Variants in SH3RF3 observed in about 807,000 individuals in gnomAD.
The protein encoded by SH3RF3 is E3 ubiquitin-protein ligase SH3RF3.
Under a neutral mutation model 66.3 loss-of-function variants are expected in SH3RF3, and 29 were observed. That is an observed-to-expected ratio of 0.44 (90% CI 0.33 to 0.60). SH3RF3 has a LOEUF of 0.60. Among genes scored for constraint, SH3RF3 ranks in the 20% least tolerant of loss-of-function variants. SH3RF3 has a pLI of 0.04. For synonymous variants in SH3RF3, 583 were observed against 532.0 expected (o/e 1.10, Z -1.32); for missense variants, 1,194 against 1,190.9 (o/e 1.00, Z -0.04).
Position 109,449,198 on chromosome 2 carries a change from C to A in SH3RF3, c.1857C>A (p.Asp619Glu). The A allele has an allele frequency of 6.2e-7, 1 of 1,613,678 alleles. No individual in the cohort carries two copies. The highest frequency in any genetic ancestry group is 8.5e-7 in the Non-Finnish European group (1 of 1,179,816). Residue 619 changes from aspartate (D) to glutamate (E), a missense_variant, in exon 8 of 10, where the codon GAC becomes GAA. Asp to Glu is a conservative substitution (Grantham distance 45). Coordinates refer to ENST00000309415, the MANE Select transcript of SH3RF3 (RefSeq NM_001099289.3). ...CCCACTCTGCAGCCCAGGCTCAGGA[C>A]CGGCCAACTGCCACCGTGTCACCCC... ...TAAHSAAQAQ[D>E]RPTATVSPLR...
At chr2:109,249,796 A>T (rs1350245460) in intron 1 of SH3RF3, among the ~76,000 whole-genome samples, 1 of 151,678 alleles carries the variant, frequency 6.6e-6, no homozygotes, top group Non-Finnish European at 1.5e-5. Flanking sequence ...AGCTGGGACT[A>T]CAGGCGCCCG....
At chr2:109,178,641 A>G (rs1677988098) in intron 1 of SH3RF3, among the ~76,000 whole-genome samples, 1 of 152,192 alleles carries the variant, frequency 6.6e-6, no homozygotes, top group African/African-American at 2.4e-5. Context: ...CAGTTGGCTT[A>G]TTTATGGATC....
chr2:109,257,196 A>G (rs4676077), intron 1 of SH3RF3, among the ~76,000 whole-genome samples: 9,701 of 152,242 alleles, frequency 0.064, 555 homozygotes, highest in East Asian at 0.32. Context: ...TCTCTTGCTC[A>G]TGTGGACATG....
intron 1 of SH3RF3, among the ~76,000 whole-genome samples, chr2:109,137,493 C>T (rs919953538): frequency 6.6e-6 from 1 of 152,140 alleles, no homozygotes; most frequent in Non-Finnish European, 1.5e-5. Flanking sequence ...GTGGCTAGGA[C>T]GATGGAGGTC....
intron 1 of SH3RF3, among the ~76,000 whole-genome samples, chr2:109,228,962 C>T (rs549675221): frequency 6.6e-6 from 1 of 152,314 alleles, no homozygotes; most frequent in Non-Finnish European, 1.5e-5. Context: ...CTGGTCATGG[C>T]TAGGTCTTTC....
Position 109,251,542 on chromosome 2 carries a change from G to T in SH3RF3, c.574-96132G>T, listed in dbSNP as rs1302812356. On this transcript the variant is annotated intron_variant, in intron 1 of 9. Coordinates refer to ENST00000309415, the MANE Select transcript of SH3RF3 (RefSeq NM_001099289.3). Reference sequence around the variant, plus strand: ...GTCATTTGGTCCCTTTATGAATCTTGTGATAGATGAATGTGTGGAGATGGC... The same window carrying T: ...GTCATTTGGTCCCTTTATGAATCTTTTGATAGATGAATGTGTGGAGATGGC... 9.2e-6 allele frequency: 7 copies of T among 764,858 alleles called. No homozygotes were observed. In the East Asian group the frequency reaches 1.5e-4, roughly 16 times the overall value. 47.4% of individuals were successfully genotyped at this position (764,858 alleles called of 1,614,324 possible).
At chr2:109,364,379 T>C (rs1225764634) in intron 2 of SH3RF3, among the ~76,000 whole-genome samples, 2 of 152,248 alleles carry the variant, frequency 1.3e-5, no homozygotes, top group Non-Finnish European at 2.9e-5. Context: ...TTACATGCTG[T>C]CTAGTTCAAA....
rs1676214826 is a variant in SH3RF3 at position 109,398,588 on chromosome 2, A to C, written c.946-2A>C. ...GCCTCCCCTCTCCCCTTTCTCACTCAGCTCAATGACTCCGCCAAGCAGCTC... is the reference window on the plus strand; with the variant it reads ...GCCTCCCCTCTCCCCTTTCTCACTCCGCTCAATGACTCCGCCAAGCAGCTC... On this transcript the variant is annotated splice_acceptor_variant, in intron 3 of 9. Coordinates refer to ENST00000309415, the MANE Select transcript of SH3RF3 (RefSeq NM_001099289.3). LOFTEE classifies it high-confidence loss of function. The C allele has an allele frequency of 6.4e-7, 1 of 1,551,390 alleles. No individual in the cohort carries two copies.
chr2:109,357,903 A>G (rs1476569462), intron 2 of SH3RF3, among the ~76,000 whole-genome samples: 1 of 152,216 alleles, frequency 6.6e-6, no homozygotes. Flanking sequence ...GTTACAATCA[A>G]TGAGCCTATA....
chr2:109,164,663 C>A (rs1202623091), intron 1 of SH3RF3, among the ~76,000 whole-genome samples: 1 of 152,170 alleles, frequency 6.6e-6, no homozygotes, highest in Non-Finnish European at 1.5e-5. Context: ...AGAGCACTTA[C>A]TTGTATCAAC....
chr2:109,301,360 A>G (rs1559010974), intron 1 of SH3RF3, among the ~76,000 whole-genome samples: 1 of 141,094 alleles, frequency 7.1e-6, no homozygotes, highest in African/African-American at 2.6e-5. Context: ...GTGTTTGTGT[A>G]TGTTTTGTGT....
intron 1 of SH3RF3, among the ~76,000 whole-genome samples, chr2:109,189,128 G>A (rs1171697027): frequency 6.6e-6 from 1 of 152,012 alleles, no homozygotes; most frequent in Non-Finnish European, 1.5e-5. Flanking sequence ...TGCTAGCAGA[G>A]GCTTCCCCAG....
chr2:109,269,179 G>T (rs534962264), intron 1 of SH3RF3, among the ~76,000 whole-genome samples: 17 of 152,196 alleles, frequency 1.1e-4, no homozygotes, highest in Non-Finnish European at 1.8e-4. Context: ...GGGACCACAG[G>T]CTGAGATTCC....
chr2:109,413,133 G>C (rs1438361354), intron 4 of SH3RF3, among the ~76,000 whole-genome samples: 1 of 152,102 alleles, frequency 6.6e-6, no homozygotes, highest in Non-Finnish European at 1.5e-5. Flanking sequence ...TATATTTTTT[G>C]AGATAGAGTC....
intron 4 of SH3RF3, among the ~76,000 whole-genome samples, chr2:109,409,085 A>G (rs1255459139): frequency 6.6e-6 from 1 of 152,206 alleles, no homozygotes; most frequent in African/African-American, 2.4e-5. Flanking sequence ...TGAGATTTTC[A>G]TTCACCAAAC....
chr2:109,480,231 T>C (rs1464575763), intron 8 of SH3RF3, among the ~76,000 whole-genome samples: 1 of 152,220 alleles, frequency 6.6e-6, no homozygotes, highest in African/African-American at 2.4e-5. Flanking sequence ...TGTAGCCTTG[T>C]TGATGACCAG....
intron 1 of SH3RF3, among the ~76,000 whole-genome samples, chr2:109,313,317 G>A (rs1022831852): frequency 6.6e-6 from 1 of 152,214 alleles, no homozygotes; most frequent in African/African-American, 2.4e-5. Flanking sequence ...GGGGAGGCTG[G>A]CATCTGTGTT....
chr2:109,435,045 CTG>C (rs1245078456), intron 6 of SH3RF3, among the ~76,000 whole-genome samples: 1 of 152,136 alleles, frequency 6.6e-6, no homozygotes, highest in Non-Finnish European at 1.5e-5. Flanking sequence ...CCCTCTTGGT[CTG>C]TGTTTTCCAA....
intron 1 of SH3RF3, among the ~76,000 whole-genome samples, chr2:109,264,198 C>G (rs529533377): frequency 8.0e-5 from 12 of 150,224 alleles, no homozygotes; most frequent in African/African-American, 2.7e-4. Context: ...GTGTGCTCCC[C>G]GTTCACCTCC....
Sources: allele counts gnomAD v4.1 joint callset (sites outside exome capture counted in the v4.1 genomes callset), GRCh38; gene constraint gnomAD v4.1.1; transcripts MANE v1.5; gene names NCBI Gene and HGNC (gene_info 2026-07-23, HGNC 2026-07-21).